The following SOX5 variants were observed in gnomAD, a reference collection of about 807,000 sequenced individuals.
SOX5 encodes the protein SRY-box transcription factor 5.
SOX5 carries 9 observed loss-of-function variants against 92.0 expected under a neutral mutation model. The ratio of observed to expected loss-of-function variants is 0.10; its 90% CI spans 0.06 to 0.17. The LOEUF (loss-of-function observed/expected upper bound fraction) is 0.17, where lower values mean the gene tolerates loss of function less well. Ranked by LOEUF, SOX5 falls within the 10% of genes least tolerant of loss-of-function variation. The probability of loss-of-function intolerance (pLI) is 1.00; values close to 1 mark genes in which losing one functional copy is unlikely to be tolerated. For synonymous variants in SOX5, 344 were observed against 336.3 expected (o/e 1.02, Z -0.25); for missense variants, 642 against 944.5 (o/e 0.68, Z 4.20).
At chr12:24,271,075 T>C (rs1943671848) in intron 3 of SOX5, among the ~76,000 whole-genome samples, 1 of 152,244 alleles carries the variant, frequency 6.6e-6, no homozygotes, top group African/African-American at 2.4e-5. Flanking sequence ...GGGCTATAAA[T>C]TTCAACTTTA....
At chr12:23,709,564 G>A (rs1489733546) in intron 6 of SOX5, among the ~76,000 whole-genome samples, 1 of 152,186 alleles carries the variant, frequency 6.6e-6, no homozygotes, top group Non-Finnish European at 1.5e-5. Context: ...AATCCTACGA[G>A]AGCCGCTTTA....
intron 6 of SOX5, among the ~76,000 whole-genome samples, chr12:23,668,134 C>A (rs977702940): frequency 1.3e-5 from 2 of 152,170 alleles, no homozygotes; most frequent in African/African-American, 4.8e-5. Context: ...ACGCAGAAGA[C>A]TATGTATTAG....
At chr12:23,538,267 C>T (rs1368526991) in intron 13 of SOX5, among the ~76,000 whole-genome samples, 2 of 152,182 alleles carry the variant, frequency 1.3e-5, no homozygotes, top group African/African-American at 2.4e-5. Context: ...GGCAATATCT[C>T]TTCCCTTAGA....
chr12:24,200,904 T>C (rs1401532228), intron 4 of SOX5, among the ~76,000 whole-genome samples: 1 of 152,240 alleles, frequency 6.6e-6, no homozygotes, highest in African/African-American at 2.4e-5. Flanking sequence ...TGCTAATTGA[T>C]GTCTCAGCAG....
chr12:24,021,362 C>A (rs571934285), intron 4 of SOX5, among the ~76,000 whole-genome samples: 1 of 152,112 alleles, frequency 6.6e-6, no homozygotes, highest in Non-Finnish European at 1.5e-5. Flanking sequence ...CTCTTGGAGA[C>A]TGCACTAAGG....
intron 4 of SOX5, among the ~76,000 whole-genome samples, chr12:24,025,028 C>T (rs1037374909): frequency 1.3e-5 from 2 of 151,994 alleles, no homozygotes; most frequent in African/African-American, 4.8e-5. Flanking sequence ...CTATCTTTTA[C>T]TAAATTTTAA....
At chr12:24,139,323 C>T (rs1040932430) in intron 4 of SOX5, among the ~76,000 whole-genome samples, 9 of 152,164 alleles carry the variant, frequency 5.9e-5, no homozygotes, top group Non-Finnish European at 1.3e-4. Flanking sequence ...TAGCTCGCTT[C>T]TTCTAAGCAC....
Position 23,970,841 on chromosome 12 carries a change from A to ATATATTTTTTTTTTTTTTT in SOX5, c.-1-74818_-1-74817insAAAAAAAAAAAAAAATATA. ...ACATGGGACTTTATATATATATATA[A>ATATATTTTTTTTTTTTTTT]TTTTTTTTTTTTTTTAAGAAATGGG... On this transcript the variant is annotated intron_variant, in intron 4 of 4. Transcript: ENST00000446891. Among the ~76,000 whole-genome samples the ATATATTTTTTTTTTTTTTT allele has an allele frequency of 2.7e-4, 6 of 21,872 alleles. 1 individual carries two copies. Among genetic ancestry groups the ATATATTTTTTTTTTTTTTT allele is most frequent in the Non-Finnish European group, 5.2e-4 (5 of 9,698 alleles). 14.3% of individuals were successfully genotyped at this position (21,872 alleles called of 152,430 possible).
intron 1 of SOX5, among the ~76,000 whole-genome samples, chr12:23,904,767 T>C (rs1292210014): frequency 6.6e-6 from 1 of 152,198 alleles, no homozygotes; most frequent in Non-Finnish European, 1.5e-5. Context: ...TGAGATGTTC[T>C]CTGCATTGAG....
rs139505382 is a variant in SOX5, at chr12:24,155,847, C to T, written c.-2+57496G>A. On this transcript the variant is annotated intron_variant, in intron 4 of 4. Transcript: ENST00000446891. Reference sequence around the variant, plus strand: ...GGCCTGCACATGGGCATCTGGACAGCGGCTCTAGAGCATCAGGTCCTTGAG... The same window carrying T: ...GGCCTGCACATGGGCATCTGGACAGTGGCTCTAGAGCATCAGGTCCTTGAG... 1.8e-3 allele frequency among the ~76,000 whole-genome samples: 276 copies of T among 152,224 alleles called. 2 individuals are homozygous for T. The highest frequency in any genetic ancestry group is 6.3e-3 in the African/African-American group (263 of 41,568).
At chr12:24,016,772 G>C (rs1953675909) in intron 4 of SOX5, among the ~76,000 whole-genome samples, 1 of 151,820 alleles carries the variant, frequency 6.6e-6, no homozygotes, top group Admixed American at 6.6e-5. Flanking sequence ...TTTTTTAATT[G>C]AATCTCAGCC....
chr12:23,857,018 G>T (rs2096700231), intron 2 of SOX5, among the ~76,000 whole-genome samples: 1 of 152,074 alleles, frequency 6.6e-6, no homozygotes, highest in South Asian at 2.1e-4. Context: ...TTCATGTATA[G>T]AGAGTCATTT....
At chr12:24,374,664 G>C (rs1440323669) in intron 1 of SOX5, among the ~76,000 whole-genome samples, 2 of 152,210 alleles carry the variant, frequency 1.3e-5, no homozygotes, top group Non-Finnish European at 2.9e-5. Context: ...GGGGCCAATT[G>C]CATCAGCAGC....
chr12:24,216,753 C>T (rs1041419758), intron 3 of SOX5, among the ~76,000 whole-genome samples: 8 of 152,252 alleles, frequency 5.3e-5, no homozygotes, highest in Admixed American at 2.0e-4. Flanking sequence ...CATGGCAAAA[C>T]CCCATCTCTA....
chr12:24,131,741 T>A (rs1341711319), intron 4 of SOX5, among the ~76,000 whole-genome samples: 1 of 152,158 alleles, frequency 6.6e-6, no homozygotes, highest in Non-Finnish European at 1.5e-5. Context: ...ACAGAATAAA[T>A]TCATGTGATT....
intron 4 of SOX5, among the ~76,000 whole-genome samples, chr12:23,974,635 C>T (rs906239228): frequency 1.3e-5 from 2 of 152,116 alleles, no homozygotes; most frequent in Admixed American, 6.5e-5. Context: ...TCCAAGCTTC[C>T]TGGCAGGAAT....
chr12:24,328,053 AG>A (rs1183865215), intron 2 of SOX5, among the ~76,000 whole-genome samples: 1 of 152,198 alleles, frequency 6.6e-6, no homozygotes, highest in East Asian at 1.9e-4. Context: ...ACCAAACCTC[AG>A]TACACTTTTA....
intron 3 of SOX5, among the ~76,000 whole-genome samples, chr12:24,215,505 G>T (rs996784968): frequency 6.6e-6 from 1 of 151,932 alleles, no homozygotes; most frequent in Non-Finnish European, 1.5e-5. Flanking sequence ...ATTTATAATA[G>T]CATGGAAAGA....
At chr12:23,790,535 CTCTCTCAA>C (rs1195998728) in intron 3 of SOX5, among the ~76,000 whole-genome samples, 85 of 89,052 alleles carry the variant, frequency 9.5e-4, no homozygotes, top group Non-Finnish European at 1.6e-3. Context: ...CTCTCTCTCT[CTCTCTCAA>C]TCTCTCACAC....
Sources: allele counts gnomAD v4.1 joint callset (sites outside exome capture counted in the v4.1 genomes callset), GRCh38; gene constraint gnomAD v4.1.1; transcripts MANE v1.5; gene names NCBI Gene and HGNC (gene_info 2026-07-23, HGNC 2026-07-21).